ACER3: variants seen among roughly 807,000 people sequenced by gnomAD.
ACER3 encodes the protein alkaline ceramidase 3, also known as alkCDase 3.
Under a neutral mutation model 48.9 loss-of-function variants are expected in ACER3, and 16 were observed. That is an observed-to-expected ratio of 0.33 (90% CI 0.22 to 0.50). The LOEUF (loss-of-function observed/expected upper bound fraction) is 0.50. Among genes scored for constraint, ACER3 ranks in the 20% least tolerant of loss-of-function variants. ACER3 has a pLI of 0.98. For synonymous variants in ACER3, 109 were observed against 107.8 expected, an observed-to-expected ratio of 1.01 and a Z score of -0.07; for missense variants, 227 against 326.0, an observed-to-expected ratio of 0.70 and a Z score of 2.34.
At chr11:76,950,389 A>G (rs1159859877) in intron 2 of ACER3, among the ~76,000 whole-genome samples, 1 of 27,890 alleles carries the variant, frequency 3.6e-5, no homozygotes, top group Admixed American at 2.6e-4. Context: ...ATATATATAT[A>G]TATATATATA....
chr11:76,991,382 G>A (rs1169974524), intron 6 of ACER3, among the ~76,000 whole-genome samples: 3 of 152,164 alleles, frequency 2.0e-5, no homozygotes, highest in Admixed American at 6.5e-5. Flanking sequence ...TAATGTTCTT[G>A]TAACTTTTAC....
At chr11:76,879,476 G>A (rs1422048563) in intron 1 of ACER3, among the ~76,000 whole-genome samples, 1 of 152,168 alleles carries the variant, frequency 6.6e-6, no homozygotes, top group African/African-American at 2.4e-5. Flanking sequence ...GCAATGTTGA[G>A]TAGAAATGAC....
At chr11:76,909,653 C>T (rs1340769816) in intron 1 of ACER3, among the ~76,000 whole-genome samples, 11 of 152,160 alleles carry the variant, frequency 7.2e-5, no homozygotes, top group East Asian at 1.9e-4. Flanking sequence ...AAAATAGGAA[C>T]GCTTTTACAC....
intron 1 of ACER3, among the ~76,000 whole-genome samples, chr11:76,916,691 AATAATGCCTCTTC>A (rs960357346): frequency 6.6e-6 from 1 of 152,218 alleles, no homozygotes; most frequent in African/African-American, 2.4e-5. Flanking sequence ...ATGTCATTTC[AATAATGCCTCTTC>A]ATTACTGAAC....
intron 1 of ACER3, among the ~76,000 whole-genome samples, chr11:76,921,523 G>A (rs919009215): frequency 6.6e-6 from 1 of 151,934 alleles, no homozygotes; most frequent in Non-Finnish European, 1.5e-5. Flanking sequence ...CATAAATCAG[G>A]TGCTCGTAAA....
At position 76,958,803 on chromosome 11, in the gene ACER3, A is replaced by G. The variant is rs1055256795; in HGVS notation, c.215-176A>G. On this transcript the variant is annotated intron_variant, in intron 2 of 10. Transcript: ENST00000532485. ...AGAACTTATATTGTACTTCTTTTCT[A>G]CACCAAAATTTCACCAATTATAGCA... The G allele has an allele frequency of 6.3e-6, 4 of 635,588 alleles. No homozygotes were observed. In the East Asian group the frequency reaches 1.1e-4, roughly 18 times the overall value. 39.4% of individuals were successfully genotyped at this position (635,588 alleles called of 1,614,324 possible). A position where few individuals can be genotyped will look rare whatever the true frequency, so the allele number is the denominator to read the frequency against.
intron 7 of ACER3, among the ~76,000 whole-genome samples, chr11:77,007,142 A>T (rs1270751720): frequency 6.6e-6 from 1 of 151,386 alleles, no homozygotes; most frequent in Admixed American, 6.6e-5. Flanking sequence ...TAAAAAAATC[A>T]CATGTTTTGA....
At chr11:77,017,496 TC>T (rs1459869117) in intron 9 of ACER3, among the ~76,000 whole-genome samples, 2 of 152,152 alleles carry the variant, frequency 1.3e-5, no homozygotes, top group Non-Finnish European at 2.9e-5. Context: ...TGAAAAGACA[TC>T]CTGTATTCAT....
intron 2 of ACER3, among the ~76,000 whole-genome samples, chr11:76,950,825 C>T (rs1344232225): frequency 6.6e-6 from 1 of 152,040 alleles, no homozygotes; most frequent in Non-Finnish European, 1.5e-5. Context: ...CTCTTGATAG[C>T]CTTGTTATAA....
intron 2 of ACER3, among the ~76,000 whole-genome samples, chr11:76,940,387 T>C (rs2134919924): frequency 6.6e-6 from 1 of 152,270 alleles, no homozygotes; most frequent in Non-Finnish European, 1.5e-5. Context: ...CTTTTGTAAC[T>C]TTTTTTTCTA....
intron 2 of ACER3, among the ~76,000 whole-genome samples, chr11:76,948,211 CTGTGTGTGTGTGTGTGTGTG>C (rs57302394): frequency 2.0e-4 from 27 of 135,768 alleles, no homozygotes; most frequent in African/African-American, 4.8e-4. Flanking sequence ...CTGGCTCACT[CTGTGTGTGTGTGTGTGTGTG>C]TGTGTGTGTG....
intron 1 of ACER3, among the ~76,000 whole-genome samples, chr11:76,914,755 G>A (rs36011822): frequency 0.57 from 86,652 of 151,684 alleles, 27,837 homozygotes; most frequent in Non-Finnish European, 0.73. Context: ...ACGTATGTTT[G>A]TTGTGGCACT....
At chr11:76,992,563 G>C (rs1461881614) in intron 6 of ACER3, among the ~76,000 whole-genome samples, 2 of 152,190 alleles carry the variant, frequency 1.3e-5, no homozygotes, top group Non-Finnish European at 2.9e-5. Context: ...ACTGTGGCTT[G>C]TGTCCTAGGC....
At chr11:76,923,077 AC>A (rs1351404296) in intron 1 of ACER3, among the ~76,000 whole-genome samples, 3 of 152,006 alleles carry the variant, frequency 2.0e-5, no homozygotes, top group African/African-American at 7.2e-5. Context: ...CTTTAACAAA[AC>A]CAGAAGGCAA....
intron 7 of ACER3, among the ~76,000 whole-genome samples, chr11:77,012,515 T>C (rs1555022395): frequency 3.3e-5 from 5 of 152,070 alleles, no homozygotes; most frequent in Non-Finnish European, 7.4e-5. Context: ...TATTTCTCTG[T>C]TCTAGCAGTG....
At chr11:76,944,544 G>A (rs1485447522) in intron 2 of ACER3, among the ~76,000 whole-genome samples, 1 of 152,002 alleles carries the variant, frequency 6.6e-6, no homozygotes, top group African/African-American at 2.4e-5. Context: ...TTCTCTTCTG[G>A]CCTGTAAGGT....
At position 77,015,058 on chromosome 11, in the gene ACER3, T is replaced by A; in HGVS notation, c.540T>A (p.Gly180=). Residue 180 remains glycine, a synonymous_variant, in exon 8 of 11, where the codon GGT becomes GGA. Coordinates refer to ENST00000532485, the MANE Select transcript of ACER3 (RefSeq NM_018367.7). ...WLRGLGYTSL[G]IFLLGFLFWN... ...GAGGACTGGGTTATACATCATTGGGTATATTTTTATTGGGATTTTTATTTT... is the reference window on the plus strand; with the variant it reads ...GAGGACTGGGTTATACATCATTGGGAATATTTTTATTGGGATTTTTATTTT... The A allele has an allele frequency of 6.2e-7, 1 of 1,601,744 alleles. No individual in the cohort carries two copies. Among genetic ancestry groups the A allele is most frequent in the Non-Finnish European group, 8.6e-7 (1 of 1,168,938 alleles).
intron 8 of ACER3, 30 bp downstream of exon 8, chr11:77,015,147 AT>A: frequency 2.4e-6 from 3 of 1,253,022 alleles, no homozygotes; most frequent in Non-Finnish European, 3.5e-6. Context: ...CTTCAGAAAT[AT>A]TTTTGGAAGC....
intron 7 of ACER3, among the ~76,000 whole-genome samples, chr11:77,011,846 T>A (rs1644191435): frequency 6.6e-6 from 1 of 152,152 alleles, no homozygotes; most frequent in Admixed American, 6.5e-5. Flanking sequence ...AGATTTAGAC[T>A]AAAGCATTCT....
Sources: allele counts gnomAD v4.1 joint callset (sites outside exome capture counted in the v4.1 genomes callset), GRCh38; gene constraint gnomAD v4.1.1; transcripts MANE v1.5; gene names NCBI Gene and HGNC (gene_info 2026-07-23, HGNC 2026-07-21).